Variants in KANK1 observed in about 807,000 individuals in gnomAD.
KANK1 encodes the protein KN motif and ankyrin repeat domain-containing protein 1.
Under a neutral mutation model 106.2 loss-of-function variants are expected in KANK1, and 109 were observed. That is an observed-to-expected ratio of 1.03 (90% CI 0.88 to 1.20). The LOEUF is 1.20. Among genes scored for constraint, KANK1 ranks in the 50% most tolerant of loss-of-function variants. KANK1 has a pLI of 0.00. For missense variants in KANK1, 2,399 were observed against 1,710.7 expected, an observed-to-expected ratio of 1.40 and a Z score of -7.10; for synonymous variants, 873 against 652.2, an observed-to-expected ratio of 1.34 and a Z score of -5.16.
intron 10 of KANK1, among the ~76,000 whole-genome samples, chr9:744,184 A>ATAATTAAT (rs59879100): frequency 6.6e-6 from 1 of 151,320 alleles, no homozygotes; most frequent in Non-Finnish European, 1.5e-5. Context: ...CTGGTCATTC[A>ATAATTAAT]TAATTAATTA....
At chr9:657,406 A>G (rs1842385183) in intron 1 of KANK1, among the ~76,000 whole-genome samples, 1 of 152,040 alleles carries the variant, frequency 6.6e-6, no homozygotes, top group Non-Finnish European at 1.5e-5. Flanking sequence ...GGGTTCTTGA[A>G]TCTCATGGTA....
chr9:724,203 T>G, intron 3 of KANK1, among the ~76,000 whole-genome samples: 1 of 152,198 alleles, frequency 6.6e-6, no homozygotes, highest in East Asian at 1.9e-4. Flanking sequence ...ATGGTTTGCA[T>G]TTTTTAGAGT....
chr9:612,317 G>T (rs1203746232), intron 1 of KANK1, among the ~76,000 whole-genome samples: 4 of 152,140 alleles, frequency 2.6e-5, no homozygotes, highest in African/African-American at 9.7e-5. Flanking sequence ...GAGAAATTCA[G>T]TACAAAGTCT....
At chr9:693,827 A>G (rs1820566530) in intron 2 of KANK1, 1 of 984,902 alleles carries the variant, frequency 1.0e-6, no homozygotes, top group Middle Eastern at 5.2e-4. Flanking sequence ...GGAGGAGAGC[A>G]TGATGTTTGG....
At chr9:631,294 G>T (rs916588391) in intron 1 of KANK1, among the ~76,000 whole-genome samples, 2 of 152,204 alleles carry the variant, frequency 1.3e-5, no homozygotes, top group African/African-American at 2.4e-5. Flanking sequence ...AAGAAATGCT[G>T]TGCGGCCTCA....
At chr9:669,320 A>G (rs901076282) in intron 1 of KANK1, among the ~76,000 whole-genome samples, 1 of 152,132 alleles carries the variant, frequency 6.6e-6, no homozygotes, top group African/African-American at 2.4e-5. Flanking sequence ...TATACCTTCA[A>G]ATGTTTTCTT....
intron 1 of KANK1, among the ~76,000 whole-genome samples, chr9:610,322 T>C (rs949407033): frequency 6.6e-6 from 1 of 152,206 alleles, no homozygotes. Flanking sequence ...TGAACTTCAG[T>C]CCTGCTCTCC....
At chr9:675,441 T>G (rs1816206509) in intron 1 of KANK1, among the ~76,000 whole-genome samples, 1 of 152,222 alleles carries the variant, frequency 6.6e-6, no homozygotes, top group East Asian at 1.9e-4. Flanking sequence ...TACTGTTGTT[T>G]ACTGTTTGCT....
intron 2 of KANK1, among the ~76,000 whole-genome samples, chr9:698,043 T>G (rs570452820): frequency 6.6e-6 from 1 of 152,264 alleles, no homozygotes; most frequent in East Asian, 1.9e-4. Context: ...GGTGGAAGTT[T>G]TGCGTTTTCA....
intron 1 of KANK1, among the ~76,000 whole-genome samples, chr9:514,142 CCCTTCCTCTCTCCCTCCCTT>C (rs2059160584): frequency 1.4e-5 from 1 of 69,110 alleles, no homozygotes; most frequent in African/African-American, 9.7e-5. Flanking sequence ...CTCCCTCCCT[CCCTTCCTCTCTCCCTCCCTT>C]CCTCTCTCCC....
rs765606180 is a variant in KANK1 at position 730,236 on chromosome 9, G to A, written c.2884G>A (p.Ala962Thr). 3.2e-5 allele frequency: 52 copies of A among 1,614,024 alleles called. No individual in the cohort carries two copies. The highest frequency in any genetic ancestry group is 1.6e-4 in the Middle Eastern group (1 of 6,084). ...GAACCTGACAGACGACCAGATCGCC[G>A]CTGGCCTCTATGGTAACTTTTCTCA... is the stretch of plus-strand genomic sequence containing the variant. ...PVNLTDDQIA[A>T]GLYACTNNES... is the part of the protein sequence containing the mutation. Residue 962 changes from alanine (A) to threonine (T), a missense_variant, in exon 4 of 12, where the codon GCT becomes ACT. Coordinates refer to ENST00000382297, the MANE Select transcript of KANK1 (RefSeq NM_015158.5).
chr9:543,937 C>T (rs1165420248), intron 1 of KANK1, among the ~76,000 whole-genome samples: 1 of 152,096 alleles, frequency 6.6e-6, no homozygotes, highest in African/African-American at 2.4e-5. Flanking sequence ...TTTTTTGTTT[C>T]CTACCTACCT....
intron 8 of KANK1, among the ~76,000 whole-genome samples, chr9:738,830 G>A (rs796710528): frequency 1.3e-5 from 2 of 152,338 alleles, no homozygotes; most frequent in East Asian, 3.9e-4. Context: ...AATCATGCGG[G>A]CTTGGCCGGT....
chr9:504,060 G>C (rs1056545437), upstream of KANK1, among the ~76,000 whole-genome samples: 1 of 152,132 alleles, frequency 6.6e-6, no homozygotes, highest in Middle Eastern at 3.2e-3. Context: ...CCGTGCTGAC[G>C]AGGCACCTGC....
intron 2 of KANK1, chr9:677,555 C>G (rs1335538691): frequency 2.0e-5 from 3 of 152,224 alleles, no homozygotes; most frequent in Non-Finnish European, 4.4e-5. Context: ...GTTTCACTTT[C>G]TGTTCCAATA....
intron 1 of KANK1, among the ~76,000 whole-genome samples, chr9:514,977 A>G (rs1052035113): frequency 2.0e-5 from 3 of 151,758 alleles, no homozygotes; most frequent in African/African-American, 7.3e-5. Context: ...TTGATTCCCT[A>G]GATGACTAAT....
At chr9:628,459 A>C (rs1041952872) in intron 1 of KANK1, among the ~76,000 whole-genome samples, 1 of 152,224 alleles carries the variant, frequency 6.6e-6, no homozygotes, top group African/African-American at 2.4e-5. Context: ...AATAGTTAAC[A>C]TCTGAAATCA....
chr9:604,765 G>C (rs1828669239), intron 1 of KANK1, among the ~76,000 whole-genome samples: 1 of 151,852 alleles, frequency 6.6e-6, no homozygotes, highest in Non-Finnish European at 1.5e-5. Context: ...GACAGATGGA[G>C]GTTACAGTGA....
At chr9:530,859 A>ATG (rs2060024868) in intron 1 of KANK1, among the ~76,000 whole-genome samples, 1 of 152,134 alleles carries the variant, frequency 6.6e-6, no homozygotes, top group Admixed American at 6.6e-5. Context: ...GTGGTGGGGC[A>ATG]TGCCTGTAGT....
Sources: allele counts gnomAD v4.1 joint callset (sites outside exome capture counted in the v4.1 genomes callset), GRCh38; gene constraint gnomAD v4.1.1; transcripts MANE v1.5; gene names NCBI Gene and HGNC (gene_info 2026-07-23, HGNC 2026-07-21).